The following CAPRIN2 variants were observed in gnomAD, a reference collection of about 807,000 sequenced individuals.
The protein encoded by CAPRIN2 is caprin family member 2.
Under a neutral mutation model 130.4 loss-of-function variants are expected in CAPRIN2, and 66 were observed. The ratio of observed to expected loss-of-function variants is 0.51; its 90% CI spans 0.42 to 0.62. The LOEUF (loss-of-function observed/expected upper bound fraction) is 0.62, where lower values mean the gene tolerates loss of function less well. Ranked by LOEUF, CAPRIN2 falls within the 20% of genes least tolerant of loss-of-function variation. CAPRIN2 has a pLI of 0.00. For missense variants in CAPRIN2, 1,185 were observed against 1,246.6 expected (o/e 0.95, Z 0.74); for synonymous variants, 471 against 444.1 (o/e 1.06, Z -0.76).
chr12:30,731,200 T>C, intron 6 of CAPRIN2, 143 bp downstream of exon 7: 1 of 532,728 alleles, frequency 1.9e-6, no homozygotes, highest in South Asian at 3.5e-5. Flanking sequence ...TTTATAAACC[T>C]AGGTTTATCC....
intron 11 of CAPRIN2, among the ~76,000 whole-genome samples, chr12:30,721,883 A>G (rs1443645452): frequency 6.6e-6 from 1 of 152,204 alleles, no homozygotes; most frequent in Non-Finnish European, 1.5e-5. Context: ...ATTTTATATT[A>G]CCCAAGTAAA....
At chr12:30,747,557 ATCCTAGCTAC>A (rs1323034072) in intron 2 of CAPRIN2, among the ~76,000 whole-genome samples, 16 of 152,028 alleles carry the variant, frequency 1.1e-4, no homozygotes, top group Admixed American at 1.0e-3. Flanking sequence ...CATGCCTGTG[ATCCTAGCTAC>A]TCAGGAGGCT....
chr12:30,709,727 A>G, exon 17 of CAPRIN2: 1 of 627,330 alleles, frequency 1.6e-6, no homozygotes, highest in East Asian at 2.8e-5. Context: ...ATTAGTGCTA[A>G]TTGTCATTCA....
At chr12:30,738,462 T>G (rs2065877884) in intron 3 of CAPRIN2, among the ~76,000 whole-genome samples, 1 of 152,142 alleles carries the variant, frequency 6.6e-6, no homozygotes, top group African/African-American at 2.4e-5. Context: ...CCCTGTAAGA[T>G]AACCTAGGAA....
At chr12:30,737,667 G>A (rs1481841285) in intron 3 of CAPRIN2, among the ~76,000 whole-genome samples, 2 of 146,464 alleles carry the variant, frequency 1.4e-5, no homozygotes, top group African/African-American at 5.1e-5. Flanking sequence ...GCACGATCTC[G>A]GCCCACTGCA....
At chr12:30,717,025 A>C (rs866715041) in intron 12 of CAPRIN2, among the ~76,000 whole-genome samples, 9 of 152,216 alleles carry the variant, frequency 5.9e-5, no homozygotes, top group African/African-American at 1.7e-4. Context: ...TGTGGAAAAC[A>C]GTATGCTGCC....
At chr12:30,711,687 A>C in intron 15 of CAPRIN2, 58 bp from the exon 18 acceptor site, 1 of 1,381,730 alleles carries the variant, frequency 7.2e-7, no homozygotes, top group South Asian at 1.2e-5. Context: ...ATAATTGGTT[A>C]TTACACAGGA....
At chr12:30,753,794 C>T (rs1260858989) in exon 1 of CAPRIN2, 15 of 1,569,746 alleles carry the variant, frequency 9.6e-6, no homozygotes, top group Non-Finnish European at 1.3e-5. Context: ...TGCCGCTAGC[C>T]AATAAGGATA....
chr12:30,753,981 G>T lies in CAPRIN2; in HGVS notation c.-218C>A, dbSNP rs76953403. 392 of 529,430 alleles carry T rather than the reference G, an allele frequency of 7.4e-4. 2 individuals are homozygous for T. The highest frequency in any genetic ancestry group is 6.8e-3 in the African/African-American group (358 of 52,942). 32.8% of individuals were successfully genotyped at this position (529,430 alleles called of 1,614,324 possible). A position where few individuals can be genotyped will look rare whatever the true frequency, so the allele number is the denominator to read the frequency against. On this transcript the variant is annotated 5_prime_UTR_variant, in exon 1 of 17. Transcript: ENST00000298892. ...ACCAAAAGAATAAGCTTTCCACACC[G>T]GGACCTAAGGCTGAGCCACTCAAAC... is the stretch of plus-strand genomic sequence containing the variant.
exon 8 of CAPRIN2, chr12:30,729,029 T>C (rs200003287): frequency 8.1e-6 from 13 of 1,614,186 alleles, no homozygotes; most frequent in Non-Finnish European, 1.0e-5. Flanking sequence ...GGCTAGGAGA[T>C]GGCTTGGATT....
chr12:30,736,405 A>G (rs572032444), intron 3 of CAPRIN2, among the ~76,000 whole-genome samples: 221 of 152,130 alleles, frequency 1.5e-3, no homozygotes, highest in Non-Finnish European at 2.4e-3. Flanking sequence ...TACAAAAAAA[A>G]AAAAACCACT....
At chr12:30,740,202 A>G (rs1362705135) in intron 3 of CAPRIN2, among the ~76,000 whole-genome samples, 4 of 152,278 alleles carry the variant, frequency 2.6e-5, no homozygotes, top group African/African-American at 9.6e-5. Flanking sequence ...CCAGGATTAT[A>G]AGCCTCCAGA....
At chr12:30,732,888 A>C (rs1284758518) in intron 5 of CAPRIN2, among the ~76,000 whole-genome samples, 1 of 152,142 alleles carries the variant, frequency 6.6e-6, no homozygotes, top group Non-Finnish European at 1.5e-5. Flanking sequence ...TTATAAGTGT[A>C]TGCTTCATTT....
At chr12:30,725,932 G>A (rs1433972519) in intron 9 of CAPRIN2, 34 bp downstream of exon 10, 3 of 1,486,574 alleles carry the variant, frequency 2.0e-6, no homozygotes, top group African/African-American at 2.8e-5. Flanking sequence ...GAAGCCCCAT[G>A]AATATCATTT....
intron 2 of CAPRIN2, among the ~76,000 whole-genome samples, chr12:30,748,463 T>C (rs79773046): frequency 3.5e-3 from 531 of 152,356 alleles, no homozygotes; most frequent in Non-Finnish European, 6.7e-3. Context: ...AATCAAGGTG[T>C]GTACCTTCTT....
chr12:30,743,325 C>A (rs1007254893), intron 2 of CAPRIN2, among the ~76,000 whole-genome samples: 1 of 152,162 alleles, frequency 6.6e-6, no homozygotes, highest in African/African-American at 2.4e-5. Context: ...CTACTTCCCT[C>A]TAGCATTACA....
At chr12:30,720,237 C>A (rs1371121786) in intron 12 of CAPRIN2, 1 of 152,336 alleles carries the variant, frequency 6.6e-6, no homozygotes, top group African/African-American at 2.4e-5. Flanking sequence ...GCATGAGCCA[C>A]CACACCCAGC....
intron 8 of CAPRIN2, chr12:30,728,337 G>A (rs1184817522): frequency 2.3e-5 from 5 of 219,004 alleles, no homozygotes; most frequent in East Asian, 1.0e-4. Context: ...GTTGGATCAC[G>A]AGATCAGGAG....
intron 15 of CAPRIN2, among the ~76,000 whole-genome samples, chr12:30,712,122 C>T (rs1391161630): frequency 6.6e-6 from 1 of 151,566 alleles, no homozygotes; most frequent in Admixed American, 6.6e-5. Context: ...TATTTATTGC[C>T]TAGAAATATA....
Sources: gnomAD v4.1 joint callset for allele counts (sites outside exome capture counted in the v4.1 genomes callset) on GRCh38, gnomAD v4.1.1 for gene constraint, MANE v1.5 for transcripts, NCBI Gene and HGNC (gene_info 2026-07-23, HGNC 2026-07-21) for gene names.